Variants in LINGO2 observed in about 807,000 individuals in gnomAD.
LINGO2 encodes leucine-rich repeat and immunoglobulin-like domain-containing nogo receptor-interacting protein 2.
In LINGO2, 14 loss-of-function variants were observed where a neutral mutation model predicts 30.6. That is an observed-to-expected ratio of 0.46 (90% CI 0.30 to 0.72). LINGO2 has a LOEUF of 0.72. Among genes scored for constraint, LINGO2 ranks in the 30% least tolerant of loss-of-function variants. LINGO2 has a pLI of 0.07. For synonymous variants in LINGO2, 317 were observed against 288.5 expected (o/e 1.10, Z -1.00); for missense variants, 729 against 751.7 (o/e 0.97, Z 0.35).
chr9:28,668,635 G>A (rs1203978625), intron 1 of LINGO2, among the ~76,000 whole-genome samples: 2 of 151,726 alleles, frequency 1.3e-5, no homozygotes, highest in African/African-American at 2.4e-5. Flanking sequence ...ATATATTGTA[G>A]AATGTCACAT....
At chr9:29,068,566 T>C in the LINGO2 span, among the ~76,000 whole-genome samples, 1 of 151,824 alleles carries the variant, frequency 6.6e-6, no homozygotes, top group Non-Finnish European at 1.5e-5. Context: ...AAGCTGAATA[T>C]TATATTTCAG....
chr9:28,188,603 A>T (rs1220074620), intron 4 of LINGO2, among the ~76,000 whole-genome samples: 3 of 152,132 alleles, frequency 2.0e-5, no homozygotes, highest in Non-Finnish European at 4.4e-5. Context: ...AATTTTTTCT[A>T]ACCCTTTTGG....
intron 4 of LINGO2, among the ~76,000 whole-genome samples, chr9:28,288,548 TTTG>T (rs907153819): frequency 1.3e-5 from 2 of 152,116 alleles, no homozygotes; most frequent in Admixed American, 6.5e-5. Context: ...GGCTTGTTAT[TTTG>T]TTGTTGTTGT....
intron 4 of LINGO2, among the ~76,000 whole-genome samples, chr9:28,187,091 T>C (rs1020474023): frequency 6.6e-6 from 1 of 152,054 alleles, no homozygotes; most frequent in Non-Finnish European, 1.5e-5. Flanking sequence ...TTCTGGGAAA[T>C]AAGTGATGCT....
chr9:28,757,743 G>C, the LINGO2 span, among the ~76,000 whole-genome samples: 2 of 151,958 alleles, frequency 1.3e-5, no homozygotes, highest in South Asian at 4.1e-4. Flanking sequence ...GAGTCCAGGG[G>C]TGGGAGGGGT....
chr9:28,083,096 A>G (rs972937750), intron 4 of LINGO2, among the ~76,000 whole-genome samples: 3 of 152,116 alleles, frequency 2.0e-5, no homozygotes, highest in Admixed American at 6.6e-5. Flanking sequence ...TTCAATACCC[A>G]CCTCTAAGAG....
chr9:28,595,105 ACT>A (rs1221188964), intron 1 of LINGO2, among the ~76,000 whole-genome samples: 2 of 152,058 alleles, frequency 1.3e-5, no homozygotes, highest in Non-Finnish European at 2.9e-5. Flanking sequence ...CAATTACTCC[ACT>A]GTTATCCATC....
rs184946993 is a variant in LINGO2 at position 28,220,101 on chromosome 9, C to G, written c.-87+75107G>C. ...CATTGTATAAGGTATTATATGTAAT[C>G]TAGAGATGACTTTAAGTTTACAGGA... On this transcript the variant is annotated intron_variant, in intron 4 of 5. Coordinates refer to ENST00000379992, the Ensembl canonical transcript of LINGO2. Among the ~76,000 whole-genome samples, 341 of 152,160 alleles carry G rather than the reference C, an allele frequency of 2.2e-3. 1 individual carries two copies. The highest frequency in any genetic ancestry group is 6.6e-3 in the African/African-American group (274 of 41,512).
At chr9:28,593,266 A>G (rs1000040530) in intron 1 of LINGO2, among the ~76,000 whole-genome samples, 4 of 152,080 alleles carry the variant, frequency 2.6e-5, no homozygotes, top group Non-Finnish European at 5.9e-5. Context: ...AATGTTCCAT[A>G]CACATAATTA....
the LINGO2 span, among the ~76,000 whole-genome samples, chr9:29,128,360 C>CA: frequency 6.6e-6 from 1 of 152,120 alleles, no homozygotes; most frequent in African/African-American, 2.4e-5. Flanking sequence ...GCATCTATTC[C>CA]ACCTCACTCC....
rs191610979 is a variant in LINGO2, at chr9:28,233,716, G to A, written c.-87+61492C>T. Among the ~76,000 whole-genome samples the A allele has an allele frequency of 3.9e-5, 6 of 152,156 alleles. No homozygotes were observed. In the East Asian group the frequency reaches 9.7e-4, roughly 24 times the overall value. On this transcript the variant is annotated intron_variant, in intron 4 of 5. Coordinates refer to ENST00000379992, the Ensembl canonical transcript of LINGO2. The stretch of plus-strand genomic sequence containing the variant: ...TAAGGAGAGGAGAGTGAAGACAAAA[G>A]AGGACTTTGTTTTGCCTTTTGGATG...
intron 2 of LINGO2, among the ~76,000 whole-genome samples, chr9:28,431,039 AG>A (rs1823652650): frequency 1.3e-5 from 1 of 76,202 alleles, no homozygotes; most frequent in Non-Finnish European, 3.8e-5. Flanking sequence ...TGAGAGAGAG[AG>A]AGAGAGAGAG....
intron 2 of LINGO2, among the ~76,000 whole-genome samples, chr9:28,473,004 T>C (rs745486926): frequency 2.6e-5 from 4 of 152,182 alleles, no homozygotes; most frequent in Non-Finnish European, 5.9e-5. Context: ...CTGTATTAAC[T>C]CTTGCTTTAT....
At chr9:27,992,042 T>C (rs10968257) in intron 5 of LINGO2, among the ~76,000 whole-genome samples, 13,027 of 152,082 alleles carry the variant, frequency 0.086, 785 homozygotes, top group Middle Eastern at 0.13. Flanking sequence ...ACTCTGGGTA[T>C]TCGGACGCAT....
chr9:28,700,306 T>C, the LINGO2 span, among the ~76,000 whole-genome samples: 1 of 152,052 alleles, frequency 6.6e-6, no homozygotes, highest in Admixed American at 6.6e-5. Flanking sequence ...TCCAAATTTC[T>C]TCCTTAGCTA....
At chr9:28,062,176 G>C (rs559717002) in intron 4 of LINGO2, among the ~76,000 whole-genome samples, 2 of 152,022 alleles carry the variant, frequency 1.3e-5, no homozygotes, top group Admixed American at 6.6e-5. Context: ...TTCAAATTCA[G>C]ATCGAATGCT....
chr9:28,533,617 A>G (rs766797570), intron 1 of LINGO2, among the ~76,000 whole-genome samples: 1 of 152,206 alleles, frequency 6.6e-6, no homozygotes, highest in Non-Finnish European at 1.5e-5. Flanking sequence ...GTTATCTGTC[A>G]GTGCTGAGGT....
chr9:29,026,616 C>T, the LINGO2 span, among the ~76,000 whole-genome samples: 11 of 151,958 alleles, frequency 7.2e-5, no homozygotes, highest in Admixed American at 2.0e-4. Context: ...ACAGAAATAG[C>T]GGAAGAAAAT....
At chr9:28,052,068 G>A (rs747002789) in intron 4 of LINGO2, among the ~76,000 whole-genome samples, 29 of 152,044 alleles carry the variant, frequency 1.9e-4, no homozygotes, top group Non-Finnish European at 4.0e-4. Context: ...GATATGCTAA[G>A]GAGCTTTGAA....
Sources: allele counts gnomAD v4.1 joint callset (sites outside exome capture counted in the v4.1 genomes callset), GRCh38; gene constraint gnomAD v4.1.1; transcripts MANE v1.5; gene names NCBI Gene and HGNC (gene_info 2026-07-23, HGNC 2026-07-21).